FSTL5: variants seen among roughly 807,000 people sequenced by gnomAD.
FSTL5 encodes follistatin-related protein 5.
FSTL5 carries 62 observed loss-of-function variants against 89.1 expected under a neutral mutation model. That is an observed-to-expected ratio of 0.70 (90% CI 0.57 to 0.86). The LOEUF (loss-of-function observed/expected upper bound fraction) is 0.86. Among genes scored for constraint, FSTL5 ranks in the 40% least tolerant of loss-of-function variants. The pLI, the probability that FSTL5 is intolerant of heterozygous loss-of-function variation, is 0.00. For missense variants in FSTL5, 1,057 were observed against 1,001.6 expected (o/e 1.06, Z -0.75); for synonymous variants, 383 against 346.2 (o/e 1.11, Z -1.18).
intron 4 of FSTL5, among the ~76,000 whole-genome samples, chr4:161,832,312 G>C (rs1383972202): frequency 6.6e-6 from 1 of 152,054 alleles, no homozygotes; most frequent in Admixed American, 6.6e-5. Context: ...CAGATAGCAA[G>C]AACTGCAAGA....
chr4:161,832,750 A>G (rs1440650899), intron 4 of FSTL5, among the ~76,000 whole-genome samples: 26 of 150,956 alleles, frequency 1.7e-4, no homozygotes, highest in Middle Eastern at 3.4e-3. Context: ...TTTTTATTGC[A>G]TCTATTTGAT....
intron 4 of FSTL5, among the ~76,000 whole-genome samples, chr4:161,864,858 A>G (rs1560888541): frequency 7.7e-6 from 1 of 130,174 alleles, no homozygotes; most frequent in Non-Finnish European, 1.6e-5. Context: ...ACGACAGAGC[A>G]AGACTTCGTC....
At chr4:161,599,275 A>G (rs950654750) in intron 7 of FSTL5, among the ~76,000 whole-genome samples, 1 of 152,162 alleles carries the variant, frequency 6.6e-6, no homozygotes, top group Non-Finnish European at 1.5e-5. Flanking sequence ...TACTAGATTT[A>G]CAAAACTAAA....
At chr4:161,661,758 T>C (rs1366419687) in intron 6 of FSTL5, among the ~76,000 whole-genome samples, 1 of 152,188 alleles carries the variant, frequency 6.6e-6, no homozygotes, top group Non-Finnish European at 1.5e-5. Flanking sequence ...ATTGGTCTTA[T>C]AAAATTAAAA....
intron 15 of FSTL5, among the ~76,000 whole-genome samples, chr4:161,454,163 G>T (rs145163909): frequency 6.6e-6 from 1 of 151,988 alleles, no homozygotes; most frequent in Non-Finnish European, 1.5e-5. Flanking sequence ...AAACAAATAC[G>T]CACAATAATC....
At chr4:161,491,609 G>C (rs1421346880) in intron 12 of FSTL5, among the ~76,000 whole-genome samples, 1 of 152,028 alleles carries the variant, frequency 6.6e-6, no homozygotes, top group Non-Finnish European at 1.5e-5. Flanking sequence ...GGGAAACTGT[G>C]GTGGGCAAAT....
At chr4:161,877,691 TGGC>T (rs1167170492) in intron 4 of FSTL5, among the ~76,000 whole-genome samples, 2 of 151,856 alleles carry the variant, frequency 1.3e-5, no homozygotes, top group Non-Finnish European at 2.9e-5. Context: ...CCAGGCGTTG[TGGC>T]GGGCCCCTGT....
chr4:161,862,865 A>C (rs527487317), intron 4 of FSTL5, among the ~76,000 whole-genome samples: 1 of 152,346 alleles, frequency 6.6e-6, no homozygotes, highest in Non-Finnish European at 1.5e-5. Flanking sequence ...CTATCTGAAA[A>C]ATAAAAGCTG....
intron 7 of FSTL5, 62 bp downstream of exon 7, chr4:161,656,265 CA>C: frequency 1.2e-6 from 1 of 855,970 alleles, no homozygotes; most frequent in Non-Finnish European, 1.7e-6. Context: ...CCTGACATCA[CA>C]AAGTCTGGAG....
At chr4:161,552,759 G>A (rs1033588845) in intron 8 of FSTL5, among the ~76,000 whole-genome samples, 9 of 151,672 alleles carry the variant, frequency 5.9e-5, no homozygotes, top group African/African-American at 1.7e-4. Context: ...AGAATTGAAG[G>A]ATAAGTGATT....
intron 4 of FSTL5, among the ~76,000 whole-genome samples, chr4:161,896,117 T>C (rs62331163): frequency 0.026 from 4,000 of 152,274 alleles, 104 homozygotes; most frequent in Non-Finnish European, 0.034. Context: ...TGATATATTG[T>C]CATTATTCCT....
At chr4:162,123,868 G>GAA (rs199618149) in intron 1 of FSTL5, among the ~76,000 whole-genome samples, 20 of 141,876 alleles carry the variant, frequency 1.4e-4, no homozygotes, top group Non-Finnish European at 1.7e-4. Flanking sequence ...GATTTTGAAA[G>GAA]AAAAAAAAAA....
chr4:161,676,419 C>T (rs942043705), intron 6 of FSTL5, among the ~76,000 whole-genome samples: 3 of 151,912 alleles, frequency 2.0e-5, no homozygotes, highest in Non-Finnish European at 2.9e-5. Flanking sequence ...AATCAAACAC[C>T]GCATGTTCTC....
intron 14 of FSTL5, among the ~76,000 whole-genome samples, chr4:161,457,832 A>C (rs1264476028): frequency 6.6e-6 from 1 of 152,230 alleles, no homozygotes; most frequent in Admixed American, 6.5e-5. Context: ...ATATTGTGAT[A>C]GATGATTCTA....
chr4:161,727,630 T>C lies in FSTL5; in HGVS notation c.727+31781A>G, dbSNP rs140171489. On this transcript the variant is annotated intron_variant, in intron 6 of 15. Transcript: ENST00000306100. Reference sequence around the variant, plus strand: ...CTGACCCTAACCCTGCATTTTTGCATGGAATTTGGTGCCATTTTTTCCTAA... The same window carrying C: ...CTGACCCTAACCCTGCATTTTTGCACGGAATTTGGTGCCATTTTTTCCTAA... 4.9e-3 allele frequency among the ~76,000 whole-genome samples: 742 copies of C among 152,296 alleles called. 4 individuals are homozygous for C. The highest frequency in any genetic ancestry group is 0.017 in the African/African-American group (712 of 41,558).
intron 13 of FSTL5, among the ~76,000 whole-genome samples, chr4:161,465,564 T>A (rs533984794): frequency 5.3e-5 from 8 of 152,250 alleles, no homozygotes; most frequent in African/African-American, 1.9e-4. Flanking sequence ...TACAGACAAG[T>A]GCCACCACAA....
chr4:161,942,437 A>T (rs1432361446), intron 3 of FSTL5, among the ~76,000 whole-genome samples: 1 of 152,050 alleles, frequency 6.6e-6, no homozygotes, highest in Non-Finnish European at 1.5e-5. Context: ...CAAAAGATAA[A>T]GTGGGATCAT....
At chr4:161,782,623 A>T (rs907079863) in intron 4 of FSTL5, among the ~76,000 whole-genome samples, 1 of 152,250 alleles carries the variant, frequency 6.6e-6, no homozygotes. Flanking sequence ...GAGTGAAAAC[A>T]TGATTAAGTT....
intron 3 of FSTL5, among the ~76,000 whole-genome samples, chr4:161,951,832 A>C (rs1447036993): frequency 5.9e-5 from 9 of 152,010 alleles, no homozygotes; most frequent in Non-Finnish European, 1.3e-4. Context: ...GTACATATGA[A>C]TTTCCATATA....
Sources: allele counts gnomAD v4.1 joint callset (sites outside exome capture counted in the v4.1 genomes callset), GRCh38; gene constraint gnomAD v4.1.1; transcripts MANE v1.5; gene names NCBI Gene and HGNC (gene_info 2026-07-23, HGNC 2026-07-21).